The following UGT8 variants were observed in gnomAD, a reference collection of about 807,000 sequenced individuals.
UGT8 encodes the protein 2-hydroxyacylsphingosine 1-beta-galactosyltransferase.
UGT8 carries 12 observed loss-of-function variants against 40.5 expected under a neutral mutation model. The observed-to-expected ratio is 0.30, with a 90% CI of 0.19 to 0.48. The LOEUF (loss-of-function observed/expected upper bound fraction) is 0.48, where lower values mean the gene tolerates loss of function less well. Among genes scored for constraint, UGT8 ranks in the 20% least tolerant of loss-of-function variants. UGT8 has a pLI of 0.99. For synonymous variants in UGT8, 224 were observed against 240.4 expected, an observed-to-expected ratio of 0.93 and a Z score of 0.63; for missense variants, 513 against 648.7, an observed-to-expected ratio of 0.79 and a Z score of 2.27.
intron 1 of UGT8, among the ~76,000 whole-genome samples, chr4:114,613,713 C>T (rs548358066): frequency 1.3e-5 from 2 of 152,138 alleles, no homozygotes; most frequent in South Asian, 2.1e-4. Context: ...TCTGTCAGTT[C>T]GGTGGGAGAA....
At chr4:114,673,245 C>T (rs1004948508) in intron 5 of UGT8, among the ~76,000 whole-genome samples, 19 of 152,264 alleles carry the variant, frequency 1.2e-4, no homozygotes, top group Middle Eastern at 3.4e-3. Context: ...AAACTATGCT[C>T]ATGGGACAAT....
At chr4:114,656,820 C>A (rs745857929) in intron 2 of UGT8, 6 of 520,154 alleles carry the variant, frequency 1.2e-5, no homozygotes, top group Non-Finnish European at 2.0e-5. Flanking sequence ...GGTTTCAATA[C>A]TTTATCTGCT....
chr4:114,658,224 A>C (rs768411543), intron 2 of UGT8, among the ~76,000 whole-genome samples: 13 of 152,154 alleles, frequency 8.5e-5, no homozygotes, highest in Non-Finnish European at 1.0e-4. Context: ...AGAAATATTA[A>C]ATGGGAAAAG....
Position 114,676,169 on chromosome 4 carries a change from A to G in UGT8, c.1507A>G (p.Ile503Val), listed in dbSNP as rs369737744. Reference sequence around the variant, plus strand: ...GGTGACAAAATTTATCTACAGAAAAATCAAAAGTCTGTGGTCTAGAAATAA... The same window carrying G: ...GGTGACAAAATTTATCTACAGAAAAGTCAAAAGTCTGTGGTCTAGAAATAA... ...SWVTKFIYRK[I>V]KSLWSRNKHS... The change falls in exon 6 of 6, where the codon ATC (isoleucine) becomes GTC (valine). Residue 503 changes from isoleucine (I) to valine (V), a missense_variant. Around this residue, in one of 3 missense-constraint regions of UGT8, gnomAD observed 175 missense variants for 186.7 expected, o/e 0.94. Transcript: ENST00000310836. 2.3e-5 allele frequency: 37 copies of G among 1,614,078 alleles called. No homozygotes were observed. Among genetic ancestry groups the G allele is most frequent in the Non-Finnish European group, 3.1e-5 (36 of 1,180,040 alleles).
rs76440033 is a variant in UGT8, at chr4:114,664,755, C to T, written c.965+618C>T. 6.1e-3 allele frequency among the ~76,000 whole-genome samples: 934 copies of T among 152,248 alleles called. 12 individuals carry two copies. The highest frequency in any genetic ancestry group is 0.021 in the African/African-American group (891 of 41,548). ...TCCAGCCCAATGCTGAAAAATCAGA[C>T]GTGAACACTTTATTTAGCGTGTATT... On this transcript the variant is annotated intron_variant, in intron 3 of 5. Transcript: ENST00000310836.
At chr4:114,669,932 T>C (rs1735127309) in intron 5 of UGT8, among the ~76,000 whole-genome samples, 1 of 152,220 alleles carries the variant, frequency 6.6e-6, no homozygotes, top group African/African-American at 2.4e-5. Context: ...CTTATCTTTG[T>C]TTCCAATGTG....
At chr4:114,635,842 GAA>G (rs1429534267) in intron 2 of UGT8, among the ~76,000 whole-genome samples, 1 of 152,120 alleles carries the variant, frequency 6.6e-6, no homozygotes. Flanking sequence ...TATGAAGACA[GAA>G]AAGTCTCCAT....
rs1734715056 is a variant in UGT8, at chr4:114,664,104, C to T, written c.932C>T (p.Ala311Val). ...GACATTGCTAACAAACTGGCAGGAG[C>T]TCTGGGGAGATTGCCTCAAAAAGTG... ...SEDIANKLAG[A>V]LGRLPQKVIW... The change falls in exon 3 of 6, where the codon GCT becomes GTT. Residue 311 changes from alanine (A) to valine (V), a missense_variant. Ala to Val is a moderately conservative substitution (Grantham distance 64). Around this residue, in one of 3 missense-constraint regions of UGT8, gnomAD observed 335 missense variants for 444.8 expected, o/e 0.75. Transcript: ENST00000310836. 1.9e-6 allele frequency: 3 copies of T among 1,613,918 alleles called. No homozygotes were observed. The highest frequency in any genetic ancestry group is 2.5e-6 in the Non-Finnish European group (3 of 1,179,954).
At chr4:114,635,964 A>C (rs1462040689) in intron 2 of UGT8, among the ~76,000 whole-genome samples, 18 of 152,302 alleles carry the variant, frequency 1.2e-4, no homozygotes, top group Admixed American at 1.2e-3. Context: ...TGAATACAAA[A>C]AAGCTCATTT....
intron 2 of UGT8, chr4:114,663,575 C>T (rs1282838857): frequency 2.9e-6 from 1 of 341,714 alleles, no homozygotes; most frequent in Non-Finnish European, 4.1e-6. Context: ...ATCAATCATA[C>T]TGGCAAAAAT....
chr4:114,674,546 T>A (rs888213432), intron 5 of UGT8, among the ~76,000 whole-genome samples: 3 of 152,220 alleles, frequency 2.0e-5, no homozygotes, highest in Non-Finnish European at 4.4e-5. Context: ...CTCCCTGATA[T>A]AATGGCTCTT....
chr4:114,667,926 T>G, intron 4 of UGT8, 159 bp from the exon 5 acceptor site: 2 of 981,292 alleles, frequency 2.0e-6, no homozygotes, highest in Non-Finnish European at 2.4e-6. Flanking sequence ...AACAAATATT[T>G]TAATTGGTGT....
At chr4:114,627,332 C>T (rs1261326686) in intron 2 of UGT8, among the ~76,000 whole-genome samples, 2 of 148,058 alleles carry the variant, frequency 1.4e-5, no homozygotes, top group Admixed American at 6.8e-5. Context: ...GATCTCAGCT[C>T]ACTACAACCT....
chr4:114,614,772 G>C (rs1731297966), intron 1 of UGT8, among the ~76,000 whole-genome samples: 1 of 151,510 alleles, frequency 6.6e-6, no homozygotes, highest in East Asian at 1.9e-4. Flanking sequence ...TTTATTAACT[G>C]CTGACAGCCA....
chr4:114,600,606 A>T (rs1189688175), intron 1 of UGT8, among the ~76,000 whole-genome samples: 17 of 152,152 alleles, frequency 1.1e-4, no homozygotes, highest in Admixed American at 1.1e-3. Context: ...ATATTATTTC[A>T]TCACTCAGTT....
intron 2 of UGT8, among the ~76,000 whole-genome samples, chr4:114,663,146 G>A (rs1210355585): frequency 6.6e-6 from 1 of 152,000 alleles, no homozygotes; most frequent in Non-Finnish European, 1.5e-5. Flanking sequence ...TTATTGTGCA[G>A]TACTCCTTAG....
At chr4:114,629,794 G>C (rs1732460867) in intron 2 of UGT8, among the ~76,000 whole-genome samples, 1 of 152,148 alleles carries the variant, frequency 6.6e-6, no homozygotes, top group African/African-American at 2.4e-5. Context: ...TCCAATATAT[G>C]AACGGAATCA....
chr4:114,635,731 C>T (rs1268978066), intron 2 of UGT8, among the ~76,000 whole-genome samples: 2 of 152,072 alleles, frequency 1.3e-5, no homozygotes, highest in African/African-American at 2.4e-5. Flanking sequence ...TTAAGTATAT[C>T]GCTTTGTAAA....
intron 2 of UGT8, among the ~76,000 whole-genome samples, chr4:114,644,711 T>A (rs929409231): frequency 3.3e-5 from 5 of 152,190 alleles, no homozygotes. Flanking sequence ...GTTCTATCCC[T>A]TGCTTTATGC....
Sources: gnomAD v4.1 joint callset for allele counts (sites outside exome capture counted in the v4.1 genomes callset) on GRCh38, gnomAD v4.1.1 for gene constraint, gnomAD v4.1.1 regional missense constraint, MANE v1.5 for transcripts, NCBI Gene and HGNC (gene_info 2026-07-23, HGNC 2026-07-21) for gene names.